Variants in PTPRB observed in about 807,000 individuals in gnomAD.
The protein encoded by PTPRB is receptor-type tyrosine-protein phosphatase beta.
Under a neutral mutation model 238.1 loss-of-function variants are expected in PTPRB, and 97 were observed. The ratio of observed to expected loss-of-function variants is 0.41; its 90% CI spans 0.35 to 0.48. PTPRB has a LOEUF of 0.48. Ranked by LOEUF, PTPRB falls within the 20% of genes least tolerant of loss-of-function variation. The pLI is 0.30. For missense variants in PTPRB, 2,292 were observed against 2,681.9 expected (o/e 0.85, Z 3.21); for synonymous variants, 970 against 995.4 (o/e 0.97, Z 0.48).
At chr12:70,564,232 C>T (rs759911682) in intron 15 of PTPRB, among the ~76,000 whole-genome samples, 12 of 152,152 alleles carry the variant, frequency 7.9e-5, no homozygotes, top group Non-Finnish European at 1.8e-4. Flanking sequence ...TAAGTCCCGA[C>T]CAGGTGCAGT....
rs756965771 is a variant in PTPRB at position 70,609,329 on chromosome 12, G to T, written c.719C>A (p.Ala240Glu). The T allele has an allele frequency of 1.2e-6, 2 of 1,613,674 alleles. No individual in the cohort carries two copies. The highest frequency in any genetic ancestry group is 2.2e-5 in the South Asian group (2 of 91,044). The change falls in exon 4 of 34, where the codon GCG becomes GAG. Residue 240 changes from alanine to glutamate, a missense_variant. Transcript: ENST00000334414. ...GGTGAAGTTACATCTCTCTGGCTCC[G>T]CCAGTCCAGTCTGCAAAGGAATCAG... is the stretch of plus-strand genomic sequence containing the variant. The part of the protein sequence containing the change: ...FSSTTEETGL[A>E]EPERCNFTLA...
At position 70,592,540 on chromosome 12, in the gene PTPRB, T is replaced by C. The variant is rs370956487; in HGVS notation, c.1522A>G (p.Met508Val). The change falls in exon 7 of 34, where the codon ATG becomes GTG. Residue 508 changes from methionine to valine, a missense_variant. Coordinates refer to ENST00000334414, the MANE Select transcript of PTPRB (RefSeq NM_001109754.4). ...GTCACCTTCAGATTTGAGACTTCCA[T>C]GGGGGCTAATCAGGAAAGAACAGAA... Reference protein sequence around the residue: ...YRWKLVRTAPMEVSNLKVTND... With the variant: ...YRWKLVRTAPVEVSNLKVTND... The C allele has an allele frequency of 2.5e-5, 40 of 1,613,312 alleles. No individual in the cohort carries two copies. Among genetic ancestry groups the C allele is most frequent in the Non-Finnish European group, 2.9e-5 (34 of 1,179,698 alleles).
At position 70,588,727 on chromosome 12, in the gene PTPRB, C is replaced by T. The variant is rs566571394; in HGVS notation, c.2050+1237G>A. Reference sequence around the variant, plus strand: ...TAGCACTTTGGGAGGCCAAGGTAGGCGGACTGCTTGAGGCCAGGAGTTTGA... The same window carrying T: ...TAGCACTTTGGGAGGCCAAGGTAGGTGGACTGCTTGAGGCCAGGAGTTTGA... On this transcript the variant is annotated intron_variant, in intron 8 of 33. Transcript: ENST00000334414. Among the ~76,000 whole-genome samples the T allele has an allele frequency of 9.0e-4, 136 of 151,808 alleles. 1 individual carries two copies. Among genetic ancestry groups the T allele is most frequent in the Middle Eastern group, 3.5e-3 (1 of 284 alleles).
In PTPRB at chr12:70,547,642, G is replaced by T. The variant is rs1203485554; in HGVS notation, c.5388-2979C>A. 2.7e-5 allele frequency among the ~76,000 whole-genome samples: 4 copies of T among 150,750 alleles called. No individual in the cohort carries two copies. The East Asian group carries it at 7.8e-4, about 30-fold the overall frequency. ...CAACCCCAGCCTCCTGAGTAGCTGG[G>T]ATTACAAGTGCACACTACCATGGCC... On this transcript the variant is annotated intron_variant, in intron 21 of 33. Transcript: ENST00000334414.
intron 32 of PTPRB, among the ~76,000 whole-genome samples, chr12:70,526,726 C>T (rs888936569): frequency 2.0e-5 from 3 of 152,196 alleles, no homozygotes; most frequent in African/African-American, 7.2e-5. Context: ...TATAGGCTGA[C>T]ACCTCCCTGT....
chr12:70,623,616 A>C (rs11178335), intron 2 of PTPRB, among the ~76,000 whole-genome samples: 8,311 of 152,258 alleles, frequency 0.055, 503 homozygotes, highest in East Asian at 0.32. Flanking sequence ...TCAACTCCAT[A>C]GTGCACTAGA....
At chr12:70,586,839 AAAGAT>A (rs1189747572) in intron 9 of PTPRB, among the ~76,000 whole-genome samples, 163 bp downstream of exon 9, 1 of 152,250 alleles carries the variant, frequency 6.6e-6, no homozygotes, top group African/African-American at 2.4e-5. Context: ...AGGAACTAAT[AAAGAT>A]AAGAACTGCA....
chr12:70,520,657 T>C lies in PTPRB; in HGVS notation c.*832A>G, dbSNP rs1356722575. 6.4e-6 allele frequency: 1 copy of C among 155,338 alleles called. No homozygotes were observed. Among genetic ancestry groups the C allele is most frequent in the African/African-American group, 2.4e-5 (1 of 41,476 alleles). 9.6% of individuals were successfully genotyped at this position (155,338 alleles called of 1,614,324 possible). On this transcript the variant is annotated 3_prime_UTR_variant, in exon 34 of 34. Transcript: ENST00000334414. ...GTGTGGATGTTCACACTCCACACCATGAATGCAATGAAAGGATCTCTAATC... is the reference window on the plus strand; with the variant it reads ...GTGTGGATGTTCACACTCCACACCACGAATGCAATGAAAGGATCTCTAATC...
chr12:70,550,838 C>T (rs566348066), intron 21 of PTPRB, among the ~76,000 whole-genome samples: 84 of 152,210 alleles, frequency 5.5e-4, no homozygotes, highest in East Asian at 1.2e-3. Context: ...GTGACTTTTG[C>T]TTGAGTTTCC....
intron 22 of PTPRB, among the ~76,000 whole-genome samples, chr12:70,543,795 GA>G (rs774305092): frequency 1.4e-4 from 21 of 152,324 alleles, no homozygotes; most frequent in Non-Finnish European, 2.8e-4. Flanking sequence ...CGCTTGGGCA[GA>G]AAGTGCCAGA....
At chr12:70,540,193 A>C in intron 23 of PTPRB, 171 bp from the exon 24 acceptor site, 2 of 566,380 alleles carry the variant, frequency 3.5e-6, no homozygotes. Flanking sequence ...AGAATAAAGT[A>C]GATCATTCCC....
At chr12:70,539,728 A>G (rs1487159496) in intron 25 of PTPRB, 22 bp from the exon 26 acceptor site, 1 of 1,600,912 alleles carries the variant, frequency 6.2e-7, no homozygotes, top group East Asian at 2.2e-5. Context: ...AATGAAACAA[A>G]CAGAAAAGAG....
At chr12:70,528,935 T>C (rs1383536097) in intron 32 of PTPRB, among the ~76,000 whole-genome samples, 1 of 152,090 alleles carries the variant, frequency 6.6e-6, no homozygotes, top group African/African-American at 2.4e-5. Flanking sequence ...TTGACTTTGA[T>C]CTTTTTGAAG....
chr12:70,558,435 C>T (rs1867002), intron 18 of PTPRB, among the ~76,000 whole-genome samples: 278 of 152,262 alleles, frequency 1.8e-3, no homozygotes, highest in African/African-American at 5.7e-3. Flanking sequence ...ATTTTATCAA[C>T]AACCAATAAC....
At chr12:70,564,849 T>C (rs1341555628) in intron 15 of PTPRB, among the ~76,000 whole-genome samples, 2 of 27,674 alleles carry the variant, frequency 7.2e-5, no homozygotes, top group Non-Finnish European at 1.2e-4. Flanking sequence ...TAATAAATAA[T>C]AATAATAATA....
chr12:70,598,531 T>C (rs1445360484), intron 4 of PTPRB, among the ~76,000 whole-genome samples: 1 of 151,922 alleles, frequency 6.6e-6, no homozygotes. Context: ...CTTTCCTATC[T>C]GGGGAGTATA....
intron 31 of PTPRB, among the ~76,000 whole-genome samples, chr12:70,533,625 A>C (rs1286177168): frequency 6.6e-6 from 1 of 152,198 alleles, no homozygotes; most frequent in East Asian, 1.9e-4. Context: ...TCCCCTCCAA[A>C]AATTCATGTT....
At position 70,518,498 on chromosome 12, in the gene PTPRB, A is replaced by G. The variant is rs1413308971; in HGVS notation, c.*2991T>C. On this transcript the variant is annotated 3_prime_UTR_variant, in exon 34 of 34. Coordinates refer to ENST00000334414, the MANE Select transcript of PTPRB (RefSeq NM_001109754.4). ...CTGAAAGGACTATGAAATTATACTC[A>G]TGGGTATAAAAGATAATATGAACAG... 2 of 152,210 alleles carry G rather than the reference A, an allele frequency of 1.3e-5. No individual in the cohort carries two copies. Among genetic ancestry groups the G allele is most frequent in the Non-Finnish European group, 2.9e-5 (2 of 68,034 alleles). 9.4% of individuals were successfully genotyped at this position (152,210 alleles called of 1,614,324 possible). A position where few individuals can be genotyped will look rare whatever the true frequency, so the allele number is the denominator to read the frequency against.
At chr12:70,605,820 T>C (rs1883899017) in intron 4 of PTPRB, among the ~76,000 whole-genome samples, 1 of 152,172 alleles carries the variant, frequency 6.6e-6, no homozygotes, top group Non-Finnish European at 1.5e-5. Flanking sequence ...TTTAGACACC[T>C]AGCTATCTCT....
Sources: gnomAD v4.1 joint callset for allele counts (sites outside exome capture counted in the v4.1 genomes callset) on GRCh38, gnomAD v4.1.1 for gene constraint, MANE v1.5 for transcripts, NCBI Gene and HGNC (gene_info 2026-07-23, HGNC 2026-07-21) for gene names.